PTPRT: variants seen among roughly 807,000 people sequenced by gnomAD.
PTPRT encodes protein tyrosine phosphatase receptor type T.
A neutral mutation model predicts 176.8 loss-of-function variants in PTPRT; 56 were observed. The observed-to-expected ratio is 0.32, with a 90% CI of 0.26 to 0.40. The LOEUF (loss-of-function observed/expected upper bound fraction) is 0.40. Ranked by LOEUF, PTPRT falls within the 10% of genes least tolerant of loss-of-function variation. The pLI, the probability that PTPRT is intolerant of heterozygous loss-of-function variation, is 1.00. For synonymous variants in PTPRT, 783 were observed against 739.0 expected, an observed-to-expected ratio of 1.06 and a Z score of -0.96; for missense variants, 1,540 against 1,908.2, an observed-to-expected ratio of 0.81 and a Z score of 3.60.
rs569485854 is a variant in PTPRT, at chr20:42,574,786, G to A, written c.1154-102224C>T. 3.3e-5 allele frequency among the ~76,000 whole-genome samples: 5 copies of A among 152,292 alleles called. No individual in the cohort carries two copies. In the South Asian group the frequency reaches 1.0e-3, roughly 32 times the overall value. On this transcript the variant is annotated intron_variant, in intron 7 of 30. Transcript: ENST00000373187. ...TGTCGAGGGAGGGACCTGTTGGAAG[G>A]TGATTGCATAATGGGGGCAGTTTCC...
At chr20:42,606,682 C>G (rs981293473) in intron 7 of PTPRT, 1 of 152,162 alleles carries the variant, frequency 6.6e-6, no homozygotes, top group African/African-American at 2.4e-5. Flanking sequence ...GGGATCCCCA[C>G]TTTTTTGGCT....
chr20:42,742,853 C>T (rs1030334284), intron 6 of PTPRT, among the ~76,000 whole-genome samples: 1 of 152,162 alleles, frequency 6.6e-6, no homozygotes, highest in Admixed American at 6.5e-5. Flanking sequence ...CAGTCACGTG[C>T]AGAGTTGCAT....
intron 14 of PTPRT, among the ~76,000 whole-genome samples, chr20:42,241,463 C>T (rs918957248): frequency 1.3e-5 from 2 of 152,030 alleles, no homozygotes; most frequent in African/African-American, 4.8e-5. Flanking sequence ...CCCAGGAAGT[C>T]ATGTGGCCAA....
chr20:42,895,730 C>T (rs1280212555), intron 1 of PTPRT, among the ~76,000 whole-genome samples: 2 of 152,096 alleles, frequency 1.3e-5, no homozygotes, highest in Non-Finnish European at 2.9e-5. Flanking sequence ...TTTCACATGT[C>T]CCAAAATAGT....
intron 1 of PTPRT, among the ~76,000 whole-genome samples, chr20:43,026,694 A>AT (rs35328033): frequency 4.6e-5 from 7 of 152,024 alleles, no homozygotes; most frequent in Admixed American, 6.6e-5. Flanking sequence ...TATTCATTCT[A>AT]TTTTTTGTGC....
chr20:43,113,060 T>C (rs1399399030), intron 1 of PTPRT, among the ~76,000 whole-genome samples: 3 of 152,180 alleles, frequency 2.0e-5, no homozygotes, highest in African/African-American at 7.2e-5. Context: ...ATTCATGATA[T>C]AAACGTATCT....
chr20:42,943,061 A>G (rs1980667959), intron 1 of PTPRT, among the ~76,000 whole-genome samples: 1 of 152,210 alleles, frequency 6.6e-6, no homozygotes, highest in African/African-American at 2.4e-5. Flanking sequence ...TGTGGAAACC[A>G]TTTCACTCAT....
At chr20:42,422,907 C>T (rs950395294) in intron 9 of PTPRT, among the ~76,000 whole-genome samples, 19 of 152,014 alleles carry the variant, frequency 1.2e-4, no homozygotes, top group South Asian at 2.1e-4. Context: ...ACACAGATGG[C>T]GGTGGAGGCC....
chr20:42,486,277 T>C lies in PTPRT; in HGVS notation c.1154-13715A>G, dbSNP rs192102013. On this transcript the variant is annotated intron_variant, in intron 7 of 30. Coordinates refer to ENST00000373187, the MANE Select transcript of PTPRT (RefSeq NM_007050.6). ...CAGAATCTCAAAAATGATAGCTACT[T>C]TTCCTCCTTGACTTTCATTTTTGAC... Among the ~76,000 whole-genome samples the C allele has an allele frequency of 3.9e-3, 589 of 152,326 alleles. 4 individuals carry two copies. The highest frequency in any genetic ancestry group is 0.014 in the Middle Eastern group (4 of 294).
chr20:42,349,785 C>T (rs2058249177), intron 11 of PTPRT, among the ~76,000 whole-genome samples: 1 of 152,148 alleles, frequency 6.6e-6, no homozygotes, highest in African/African-American at 2.4e-5. Flanking sequence ...TGGGCAAAAC[C>T]GGCAGTCAAT....
intron 11 of PTPRT, among the ~76,000 whole-genome samples, chr20:42,316,294 T>G (rs2057721041): frequency 3.9e-5 from 6 of 152,214 alleles, no homozygotes; most frequent in Admixed American, 3.9e-4. Flanking sequence ...TAGCAGCATC[T>G]GACAAGTGGC....
At chr20:42,571,746 G>A (rs1350986356) in intron 7 of PTPRT, among the ~76,000 whole-genome samples, 2 of 152,040 alleles carry the variant, frequency 1.3e-5, no homozygotes, top group African/African-American at 2.4e-5. Context: ...CCAGGAAGAG[G>A]ACCCCAACCC....
rs928893908 is a variant in PTPRT at position 42,211,057 on chromosome 20, C to A, written c.2343-11669G>T. On this transcript the variant is annotated intron_variant, in intron 15 of 30. Transcript: ENST00000373187. ...ACAAGCAATGGGGAAAGGATTCCCT[C>A]TCTAATAAATGGTGCTGGGTAAACT... is the stretch of plus-strand genomic sequence containing the variant. Among the ~76,000 whole-genome samples the A allele has an allele frequency of 5.8e-3, 877 of 152,132 alleles. 10 individuals are homozygous for A. The highest frequency in any genetic ancestry group is 0.02 in the African/African-American group (827 of 41,462).
chr20:42,264,921 C>CA (rs1198421285), intron 13 of PTPRT, among the ~76,000 whole-genome samples: 4 of 152,340 alleles, frequency 2.6e-5, no homozygotes, highest in Admixed American at 1.3e-4. Context: ...TCACCAGTCA[C>CA]AGTCTGGCCC....
chr20:42,510,623 G>T (rs766180397), intron 7 of PTPRT, among the ~76,000 whole-genome samples: 2 of 151,968 alleles, frequency 1.3e-5, no homozygotes, highest in African/African-American at 4.8e-5. Context: ...CCATTATCTT[G>T]CTAGGCAAGA....
intron 1 of PTPRT, among the ~76,000 whole-genome samples, chr20:42,979,990 T>TG (rs34988665): frequency 0.031 from 1,712 of 55,606 alleles, 20 homozygotes; most frequent in Middle Eastern, 0.065. Context: ...GAAGGGGGGG[T>TG]GGGGGGGGGT....
intron 9 of PTPRT, among the ~76,000 whole-genome samples, chr20:42,356,784 G>A (rs2058364138): frequency 6.6e-6 from 1 of 152,186 alleles, no homozygotes; most frequent in Admixed American, 6.5e-5. Context: ...TCTCTGTCAT[G>A]TGGTCTTAAT....
At chr20:42,463,268 C>T (rs550755059) in intron 8 of PTPRT, among the ~76,000 whole-genome samples, 1 of 151,882 alleles carries the variant, frequency 6.6e-6, no homozygotes, top group East Asian at 1.9e-4. Context: ...TTTTCCATTC[C>T]TTTTTCTTTG....
At chr20:43,052,863 G>A (rs1987099966) in intron 1 of PTPRT, among the ~76,000 whole-genome samples, 1 of 152,102 alleles carries the variant, frequency 6.6e-6, no homozygotes, top group African/African-American at 2.4e-5. Flanking sequence ...TGTCTCTTCT[G>A]GCATTTCTTT....
Sources: gnomAD v4.1 joint callset for allele counts (sites outside exome capture counted in the v4.1 genomes callset) on GRCh38, gnomAD v4.1.1 for gene constraint, MANE v1.5 for transcripts, NCBI Gene and HGNC (gene_info 2026-07-23, HGNC 2026-07-21) for gene names.